Variants in ROBO4 observed in about 807,000 individuals in gnomAD.
The protein encoded by ROBO4 is roundabout guidance receptor 4, also known as roundabout homolog 4.
ROBO4 carries 80 observed loss-of-function variants against 103.3 expected under a neutral mutation model. The ratio of observed to expected loss-of-function variants is 0.77; its 90% CI spans 0.65 to 0.93. The LOEUF is 0.93. Among genes scored for constraint, ROBO4 ranks in the 40% least tolerant of loss-of-function variants. ROBO4 has a pLI of 0.00. For missense variants in ROBO4, 1,333 were observed against 1,305.3 expected, an observed-to-expected ratio of 1.02 and a Z score of -0.33; for synonymous variants, 504 against 529.7, an observed-to-expected ratio of 0.95 and a Z score of 0.67.
chr11:124,895,586 C>A lies in ROBO4; in HGVS notation c.907G>T (p.Ala303Ser), dbSNP rs765863267. Residue 303 changes from alanine (A) to serine (S), a missense_variant, in exon 6 of 18, where the codon GCC (alanine) becomes TCC (serine). Physicochemically the swap from Ala to Ser is moderately conservative, Grantham distance 99. Transcript: ENST00000306534. ...CCAAGCTCTGCGCTCTGCCAGCCGGCCAGCAGCTCCTCTGCCCACGGAGCT... is the reference window on the plus strand; with the variant it reads ...CCAAGCTCTGCGCTCTGCCAGCCGGACAGCAGCTCCTCTGCCCACGGAGCT... Reference protein sequence around the residue: ...QGAPWAEELLAGWQSAELGGL... With the variant: ...QGAPWAEELLSGWQSAELGGL... The A allele has an allele frequency of 1.2e-6, 2 of 1,613,558 alleles. No individual in the cohort carries two copies. The highest frequency in any genetic ancestry group is 1.7e-6 in the Non-Finnish European group (2 of 1,180,024).
rs372019920 is a variant in ROBO4, at chr11:124,886,816, G to A, written c.2442C>T (p.Ser814=). Residue 814 remains serine (S), a synonymous_variant, in exon 16 of 18, where the codon AGC becomes AGT. Coordinates refer to ENST00000306534, the MANE Select transcript of ROBO4 (RefSeq NM_019055.6). The part of the protein sequence containing the change: ...LSEGEETPRN[S]VSPMPRAPSP... ...AAGGAGCCCTTGGCATGGGAGAGAC[G>A]CTGTTCCTAGGGAGAGGCAAAAGGG... 19 of 1,534,248 alleles carry A rather than the reference G, an allele frequency of 1.2e-5. No individual in the cohort carries two copies. The highest frequency in any genetic ancestry group is 1.8e-4 in the Middle Eastern group (1 of 5,682).
At chr11:124,889,908 G>A (rs1201063334) in intron 12 of ROBO4, among the ~76,000 whole-genome samples, 1 of 152,156 alleles carries the variant, frequency 6.6e-6, no homozygotes, top group African/African-American at 2.4e-5. Flanking sequence ...CGCTGCAGTT[G>A]ACCTATCCTG....
Position 124,885,083 on chromosome 11 carries a change from A to C in ROBO4, c.2959T>G (p.Ser987Ala). 6.2e-7 allele frequency: 1 copy of C among 1,614,154 alleles called. No homozygotes were observed. Among genetic ancestry groups the C allele is most frequent in the Non-Finnish European group, 8.5e-7 (1 of 1,180,032 alleles). The change falls in exon 17 of 18, where the codon TCC (serine) becomes GCC (alanine). Residue 987 changes from serine (S) to alanine (A), a missense_variant. Coordinates refer to ENST00000306534, the MANE Select transcript of ROBO4 (RefSeq NM_019055.6). ...PPWPPDSQIS[S>A]QRSQLHCRMP... The stretch of plus-strand genomic sequence containing the variant: ...CGACAGTGGAGCTGACTTCTCTGGG[A>C]AGAGATCTGAGAGTCAGGGGGCCAG...
At chr11:124,897,688 A>G in intron 1 of ROBO4, 38 bp downstream of exon 1, 1 of 1,600,782 alleles carries the variant, frequency 6.2e-7, no homozygotes, top group Non-Finnish European at 8.6e-7. Context: ...CAGGCCTTGG[A>G]TGGAGGAGCA....
intron 8 of ROBO4, 47 bp downstream of exon 8, chr11:124,894,154 G>T (rs67478674): frequency 0.11 from 178,837 of 1,569,144 alleles, 10,899 homozygotes; most frequent in East Asian, 0.22. Flanking sequence ...AGAGGAAGGC[G>T]GGATGCAGGC....
At position 124,887,716 on chromosome 11, in the gene ROBO4, C is replaced by G. The variant is rs367686562; in HGVS notation, c.2056+17G>C. On this transcript the variant is annotated intron_variant, in intron 13 of 17. Transcript: ENST00000306534. ...CTATCTCACCCCTTCACTTCCCTTT[C>G]AGGGACCCCCTCTCACCTGGGCTTT... 3.1e-6 allele frequency: 5 copies of G among 1,609,976 alleles called. No homozygotes were observed. The highest frequency in any genetic ancestry group is 4.2e-6 in the Non-Finnish European group (5 of 1,176,636).
intron 16 of ROBO4, among the ~76,000 whole-genome samples, chr11:124,885,961 G>T (rs1946704598): frequency 6.6e-6 from 1 of 152,162 alleles, no homozygotes. Context: ...GGCTGAGGTG[G>T]GTAGATCACT....
Position 124,886,800 on chromosome 11 carries a change from T to C in ROBO4, c.2458A>G (p.Arg820Gly). 6.5e-7 allele frequency: 1 copy of C among 1,536,746 alleles called. No homozygotes were observed. The stretch of plus-strand genomic sequence containing the variant: ...TAGGTGGTGGGGGGTGAAGGAGCCC[T>C]TGGCATGGGAGAGACGCTGTTCCTA... ...TPRNSVSPMPRAPSPPTTYGY... is the reference protein window; with the variant it reads ...TPRNSVSPMPGAPSPPTTYGY... Residue 820 changes from arginine (R) to glycine (G), a missense_variant, in exon 16 of 18, where the codon AGG becomes GGG. Coordinates refer to ENST00000306534, the MANE Select transcript of ROBO4 (RefSeq NM_019055.6).
At chr11:124,895,323 G>T in intron 6 of ROBO4, 130 bp from the exon 7 acceptor site, 2 of 1,157,212 alleles carry the variant, frequency 1.7e-6, no homozygotes, top group Non-Finnish European at 2.5e-6. Context: ...CTGCTGGCCT[G>T]GCCAGGGCAG....
intron 7 of ROBO4, 147 bp from the exon 8 acceptor site, chr11:124,894,516 C>T: frequency 1.4e-6 from 1 of 709,316 alleles, no homozygotes; most frequent in African/African-American, 1.8e-5. Context: ...CCCTCCTATT[C>T]TCCCTACCAA....
In ROBO4 at chr11:124,885,260, G is replaced by T; in HGVS notation, c.2795-13C>A. The T allele has an allele frequency of 6.2e-7, 1 of 1,603,690 alleles. No individual in the cohort carries two copies. The highest frequency in any genetic ancestry group is 8.5e-7 in the Non-Finnish European group (1 of 1,177,478). The stretch of plus-strand genomic sequence containing the variant: ...GGTGATGAGGCATCTGTCAGGGAGG[G>T]TAGAGGTGTCTGTGGGAGGTTGACC... On this transcript the variant is annotated splice_polypyrimidine_tract_variant and intron_variant, in intron 16 of 17. Transcript: ENST00000306534.
Position 124,895,532 on chromosome 11 carries a change from A to G in ROBO4, c.961T>C (p.Phe321Leu). The change falls in exon 6 of 18, where the codon TTC (phenylalanine) becomes CTC (leucine). Residue 321 changes from phenylalanine to leucine, a missense_variant. Transcript: ENST00000306534. ...CGGCCAGAGGATGGTCTCACTTTGA[A>G]CTCGTAGTCTTGGCCCCAGTGGAGG... ...GGLHWGQDYE[F>L]KVRPSSGRAR... 1.2e-6 allele frequency: 2 copies of G among 1,612,070 alleles called. No homozygotes were observed. The highest frequency in any genetic ancestry group is 1.7e-6 in the Non-Finnish European group (2 of 1,179,936).
Position 124,891,768 on chromosome 11 carries a change from T to G in ROBO4, c.1582A>C (p.Thr528Pro). The part of the protein sequence containing the change: ...DHSDSQWLAD[T>P]WRSTSGSRDL... Reference sequence around the variant, plus strand: ...CGAGAGCCAGAGGTGGAACGCCAAGTGTCTGCCAACCACTGGGAGTCACTG... The same window carrying G: ...CGAGAGCCAGAGGTGGAACGCCAAGGGTCTGCCAACCACTGGGAGTCACTG... The change falls in exon 11 of 18, where the codon ACT becomes CCT. Residue 528 changes from threonine to proline, a missense_variant. Thr to Pro is a conservative substitution (Grantham distance 38). Transcript: ENST00000306534. The G allele has an allele frequency of 6.2e-7, 1 of 1,614,108 alleles. No homozygotes were observed. Among genetic ancestry groups the G allele is most frequent in the Non-Finnish European group, 8.5e-7 (1 of 1,180,018 alleles).
At chr11:124,896,703 G>A (rs1351604638) in intron 2 of ROBO4, 33 bp from the exon 3 acceptor site, 1 of 1,605,856 alleles carries the variant, frequency 6.2e-7, no homozygotes, top group Non-Finnish European at 8.5e-7. Context: ...CACGGAGCAG[G>A]GCCCAGGCCT....
intron 7 of ROBO4, 171 bp from the exon 8 acceptor site, chr11:124,894,540 C>G: frequency 1.6e-6 from 1 of 611,158 alleles, no homozygotes; most frequent in Non-Finnish European, 2.8e-6. Context: ...AGAGATACCT[C>G]TCTCTAGATC....
At chr11:124,886,056 T>C (rs1291127051) in intron 16 of ROBO4, among the ~76,000 whole-genome samples, 1 of 152,146 alleles carries the variant, frequency 6.6e-6, no homozygotes, top group Non-Finnish European at 1.5e-5. Flanking sequence ...CTGGGCATGG[T>C]GGTAGGTGCC....
At chr11:124,891,238 A>G (rs1946791777) in intron 12 of ROBO4, 61 bp downstream of exon 12, 5 of 1,494,486 alleles carry the variant, frequency 3.3e-6, no homozygotes, top group Non-Finnish European at 3.6e-6. Context: ...TTCCCATCAC[A>G]TTCCCATTCC....
intron 12 of ROBO4, among the ~76,000 whole-genome samples, chr11:124,889,320 A>T (rs926455636): frequency 6.6e-6 from 1 of 152,164 alleles, no homozygotes; most frequent in African/African-American, 2.4e-5. Context: ...CAGAAATATG[A>T]GCACAAGTTG....
In ROBO4 at chr11:124,886,682, G is replaced by A; in HGVS notation, c.2576C>T (p.Pro859Leu). 6.2e-7 allele frequency: 1 copy of A among 1,612,890 alleles called. No homozygotes were observed. The highest frequency in any genetic ancestry group is 8.5e-7 in the Non-Finnish European group (1 of 1,179,048). The change falls in exon 16 of 18, where the codon CCA becomes CTA. Residue 859 changes from proline to leucine, a missense_variant. Pro to Leu is a moderately conservative substitution (Grantham distance 98, BLOSUM62 -3). Coordinates refer to ENST00000306534, the MANE Select transcript of ROBO4 (RefSeq NM_019055.6). Reference sequence around the variant, plus strand: ...GGTGGGGGTGAGGCAGGGCCGAGGTGGGCACAGCAAGACTCCCCCCTTGGG... The same window carrying A: ...GGTGGGGGTGAGGCAGGGCCGAGGTAGGCACAGCAAGACTCCCCCCTTGGG... ...VGPKGGVLLC[P>L]PRPCLTPTPS...
Sources: allele counts gnomAD v4.1 joint callset (sites outside exome capture counted in the v4.1 genomes callset), GRCh38; gene constraint gnomAD v4.1.1; transcripts MANE v1.5; gene names NCBI Gene and HGNC (gene_info 2026-07-23, HGNC 2026-07-21).